The following ZFPM1 variants were observed in gnomAD, a reference collection of about 807,000 sequenced individuals.
The protein encoded by ZFPM1 is zinc finger protein ZFPM1.
In ZFPM1, 28 loss-of-function variants were observed where a neutral mutation model predicts 46.3. The ratio of observed to expected loss-of-function variants is 0.60; its 90% CI spans 0.45 to 0.83. The LOEUF is 0.83. Among genes scored for constraint, ZFPM1 ranks in the 40% least tolerant of loss-of-function variants. ZFPM1 has a pLI of 0.00. For missense variants in ZFPM1, 1,878 were observed against 1,432.4 expected (o/e 1.31, Z -5.02); for synonymous variants, 957 against 675.9 (o/e 1.42, Z -6.45).
intron 1 of ZFPM1, among the ~76,000 whole-genome samples, chr16:88,454,651 G>T (rs915145506): frequency 2.0e-5 from 3 of 152,262 alleles, no homozygotes; most frequent in African/African-American, 7.2e-5. Context: ...TCTGGCCTGG[G>T]CCTCTGGGCT....
At position 88,533,660 on chromosome 16, in the gene ZFPM1, G is replaced by T. The variant is rs756982361; in HGVS notation, c.1702G>T (p.Gly568Trp). 2 of 1,478,724 alleles carry T rather than the reference G, an allele frequency of 1.4e-6. No homozygotes were observed. Among genetic ancestry groups the T allele is most frequent in the Non-Finnish European group, 9.0e-7 (1 of 1,111,218 alleles). 91.6% of individuals were successfully genotyped at this position (1,478,724 alleles called of 1,614,324 possible). A position where few individuals can be genotyped will look rare whatever the true frequency, so the allele number is the denominator to read the frequency against. The change falls in exon 10 of 10, where the codon GGG becomes TGG. Residue 568 changes from glycine (G) to tryptophan (W), a missense_variant. By Grantham distance (184) the Gly-to-Trp change is radical. Transcript: ENST00000319555. Reference sequence around the variant, plus strand: ...CGCGGGCGCCGGCGGCGCGCAGACCGGGCTCTTCCCCGGGGCCCCCAAGGG... The same window carrying T: ...CGCGGGCGCCGGCGGCGCGCAGACCTGGCTCTTCCCCGGGGCCCCCAAGGG... Reference protein sequence around the residue: ...AGAGAGGAQTGLFPGAPKGAT... With the variant: ...AGAGAGGAQTWLFPGAPKGAT...
intron 4 of ZFPM1, among the ~76,000 whole-genome samples, chr16:88,523,111 CAGG>C (rs1240116722): frequency 6.6e-6 from 1 of 151,318 alleles, no homozygotes; most frequent in Non-Finnish European, 1.5e-5. Context: ...GAGGCTGAGG[CAGG>C]AGAATTGCTT....
chr16:88,531,338 T>G (rs1311310548), intron 6 of ZFPM1, among the ~76,000 whole-genome samples: 2 of 151,868 alleles, frequency 1.3e-5, no homozygotes, highest in South Asian at 4.2e-4. Flanking sequence ...GTAAGCAGAG[T>G]GCAAGCCCCC....
intron 3 of ZFPM1, chr16:88,512,841 C>T (rs1911049763): frequency 6.6e-6 from 1 of 152,024 alleles, no homozygotes; most frequent in Non-Finnish European, 1.5e-5. Flanking sequence ...ACAGCCAGGA[C>T]ATGAGGGGCC....
chr16:88,524,008 T>C (rs897093052), intron 4 of ZFPM1, among the ~76,000 whole-genome samples: 1 of 152,222 alleles, frequency 6.6e-6, no homozygotes, highest in Non-Finnish European at 1.5e-5. Context: ...GCGCGTGTTT[T>C]TATCATGCTG....
rs2142338441 is a variant in ZFPM1, at chr16:88,459,927, C to T, written c.40+6249C>T. The stretch of plus-strand genomic sequence containing the variant: ...CCCAGCATGTGAAACACACAGGGGC[C>T]CTGCCTTGGAAGGGCCCCTCAACCC... On this transcript the variant is annotated intron_variant, in intron 1 of 9. Transcript: ENST00000319555. 2.0e-5 allele frequency among the ~76,000 whole-genome samples: 3 copies of T among 151,190 alleles called. No individual in the cohort carries two copies. In the Middle Eastern group the frequency reaches 0.01, roughly 514 times the overall value.
chr16:88,461,099 CA>C (rs1907837013), intron 1 of ZFPM1, among the ~76,000 whole-genome samples: 1 of 74,594 alleles, frequency 1.3e-5, no homozygotes, highest in African/African-American at 7.2e-5. Context: ...GACCAAGGGG[CA>C]GGAGGCCCTG....
intron 1 of ZFPM1, among the ~76,000 whole-genome samples, chr16:88,478,531 G>A (rs1048183587): frequency 2.0e-5 from 3 of 152,254 alleles, no homozygotes; most frequent in African/African-American, 4.8e-5. Flanking sequence ...ACGGTTGCCC[G>A]TCCTGCCTCC....
intron 3 of ZFPM1, among the ~76,000 whole-genome samples, chr16:88,510,510 G>A (rs906204893): frequency 2.6e-5 from 4 of 152,252 alleles, no homozygotes; most frequent in Admixed American, 2.6e-4. Flanking sequence ...GATGCCTGGG[G>A]GTGAAATTGA....
chr16:88,514,531 C>A lies in ZFPM1; in HGVS notation c.402+11C>A. On this transcript the variant is annotated intron_variant, in intron 4 of 9. Coordinates refer to ENST00000319555, the MANE Select transcript of ZFPM1 (RefSeq NM_153813.3). ...AGGCAGGCGGAGCCGGTAAGAAGCC[C>A]CCATCCCCGCCCCTGCCCGCCCACC... 6.4e-7 allele frequency: 1 copy of A among 1,550,406 alleles called. No individual in the cohort carries two copies. Among genetic ancestry groups the A allele is most frequent in the East Asian group, 2.4e-5 (1 of 41,304 alleles).
In ZFPM1 at chr16:88,516,194, C is replaced by T. The variant is rs559665031; in HGVS notation, c.402+1674C>T. On this transcript the variant is annotated intron_variant, in intron 4 of 9. Coordinates refer to ENST00000319555, the MANE Select transcript of ZFPM1 (RefSeq NM_153813.3). ...ACAGCAGAGGGAGAAATAGAACCCA[C>T]ATCTGCCTATCCCCGGAGACCCTCG... 7 of 398,708 alleles carry T rather than the reference C, an allele frequency of 1.8e-5. No individual in the cohort carries two copies. In the East Asian group the frequency reaches 1.8e-4, roughly 10 times the overall value. 24.7% of individuals were successfully genotyped at this position (398,708 alleles called of 1,614,324 possible). A position where few individuals can be genotyped will look rare whatever the true frequency, so the allele number is the denominator to read the frequency against.
intron 1 of ZFPM1, among the ~76,000 whole-genome samples, chr16:88,476,712 C>T (rs1051354310): frequency 6.6e-6 from 1 of 152,172 alleles, no homozygotes; most frequent in Non-Finnish European, 1.5e-5. Flanking sequence ...GACAGTTCTT[C>T]ACACAGCAAG....
intron 1 of ZFPM1, among the ~76,000 whole-genome samples, chr16:88,473,916 G>C (rs74032885): frequency 0.036 from 5,468 of 152,212 alleles, 331 homozygotes; most frequent in African/African-American, 0.13. Flanking sequence ...CGGCTCTTCC[G>C]CAAGGGGTTT....
chr16:88,474,577 C>CG (rs1343882163), intron 1 of ZFPM1, among the ~76,000 whole-genome samples: 1 of 152,298 alleles, frequency 6.6e-6, no homozygotes, highest in South Asian at 2.1e-4. Flanking sequence ...CGTCCCACTT[C>CG]GGGGGGCGGG....
intron 1 of ZFPM1, among the ~76,000 whole-genome samples, chr16:88,467,341 G>A (rs1908181774): frequency 6.6e-6 from 1 of 152,194 alleles, no homozygotes; most frequent in African/African-American, 2.4e-5. Flanking sequence ...TTCCTCATCT[G>A]TCAAATAGGG....
rs150807306 is a variant in ZFPM1, at chr16:88,463,288, A to G, written c.40+9610A>G. Among the ~76,000 whole-genome samples the G allele has an allele frequency of 5.9e-5, 9 of 152,286 alleles. No homozygotes were observed. The East Asian group carries it at 7.7e-4, about 13-fold the overall frequency. On this transcript the variant is annotated intron_variant, in intron 1 of 9. Coordinates refer to ENST00000319555, the MANE Select transcript of ZFPM1 (RefSeq NM_153813.3). ...TCCTGGACATCCTCAGCCCCCAGTG[A>G]GGGACCAGGTGCCTGCAGCTGCCCC...
At chr16:88,491,348 A>G (rs1909563697) in intron 3 of ZFPM1, among the ~76,000 whole-genome samples, 1 of 152,124 alleles carries the variant, frequency 6.6e-6, no homozygotes, top group Non-Finnish European at 1.5e-5. Flanking sequence ...ACCATTGTGT[A>G]CCTGTGGGAC....
At chr16:88,487,482 G>A (rs1200780879) in intron 2 of ZFPM1, among the ~76,000 whole-genome samples, 1 of 152,210 alleles carries the variant, frequency 6.6e-6, no homozygotes, top group Non-Finnish European at 1.5e-5. Flanking sequence ...CTGACGGGCG[G>A]AAGAATGCCA....
Position 88,514,372 on chromosome 16 carries a change from G to A in ZFPM1, c.269-15G>A, listed in dbSNP as rs576272693. On this transcript the variant is annotated splice_polypyrimidine_tract_variant and intron_variant, in intron 3 of 9. Coordinates refer to ENST00000319555, the MANE Select transcript of ZFPM1 (RefSeq NM_153813.3). ...CAGACCGGGCACGCCTCATGCCTGC[G>A]ATGTCTCTCTGCAGACGAGCTGGAG... is the stretch of plus-strand genomic sequence containing the variant. 2.2e-5 allele frequency: 34 copies of A among 1,562,450 alleles called. No homozygotes were observed. Among genetic ancestry groups the A allele is most frequent in the South Asian group, 9.4e-5 (8 of 85,042 alleles).
Sources: gnomAD v4.1 joint callset for allele counts (sites outside exome capture counted in the v4.1 genomes callset) on GRCh38, gnomAD v4.1.1 for gene constraint, MANE v1.5 for transcripts, NCBI Gene and HGNC (gene_info 2026-07-23, HGNC 2026-07-21) for gene names.